The following MVB12B variants were observed in gnomAD, a reference collection of about 807,000 sequenced individuals.
MVB12B encodes ESCRT-I complex subunit MVB12B.
A neutral mutation model predicts 41.6 loss-of-function variants in MVB12B; 16 were observed. The observed-to-expected ratio is 0.38, with a 90% CI of 0.26 to 0.58. The LOEUF is 0.58. Among genes scored for constraint, MVB12B ranks in the 20% least tolerant of loss-of-function variants. The pLI, the probability that MVB12B is intolerant of heterozygous loss-of-function variation, is 0.62. For missense variants in MVB12B, 274 were observed against 380.2 expected (o/e 0.72, Z 2.32); for synonymous variants, 133 against 139.7 (o/e 0.95, Z 0.34).
chr9:126,340,317 G>A lies in MVB12B; in HGVS notation c.82-191G>A, dbSNP rs978110752. 1.9e-4 allele frequency among the ~76,000 whole-genome samples: 29 copies of A among 152,186 alleles called. No homozygotes were observed. The highest frequency in any genetic ancestry group is 6.5e-4 in the African/African-American group (27 of 41,456). On this transcript the variant is annotated intron_variant, in intron 1 of 9. Coordinates refer to ENST00000361171, the MANE Select transcript of MVB12B (RefSeq NM_033446.3). The surrounding 1 kb of genome is among the most constrained non-coding windows in gnomAD (Gnocchi z 4.0). ...AGTGTTCAAAGCTAACCTGAGAAGA[G>A]TGGGAAACAGAGGTGATTTGAATTC...
At chr9:126,341,838 C>G (rs1277679326) in intron 2 of MVB12B, among the ~76,000 whole-genome samples, 1 of 152,164 alleles carries the variant, frequency 6.6e-6, no homozygotes, top group East Asian at 1.9e-4. Context: ...CAGAATCACC[C>G]CCCATTGAGA....
At chr9:126,365,315 T>C (rs1588110127) in intron 2 of MVB12B, among the ~76,000 whole-genome samples, 1 of 132,124 alleles carries the variant, frequency 7.6e-6, no homozygotes, top group Admixed American at 8.2e-5. Context: ...TCTATCCACC[T>C]CGGCCTCCCA....
chr9:126,371,054 C>A (rs769819839), intron 2 of MVB12B, among the ~76,000 whole-genome samples: 15 of 152,198 alleles, frequency 9.9e-5, no homozygotes, highest in Non-Finnish European at 8.8e-5. Flanking sequence ...TCTGTAGTGA[C>A]GATCAGGTGT....
Position 126,468,970 on chromosome 9 carries a change from T to C in MVB12B, c.758-12399T>C, listed in dbSNP as rs529974447. ...TGAAAAAAAGTAAATTGCAAAACAGTTACTTATGCTGTGATGCTATTTTTA... is the reference window on the plus strand; with the variant it reads ...TGAAAAAAAGTAAATTGCAAAACAGCTACTTATGCTGTGATGCTATTTTTA... On this transcript the variant is annotated intron_variant, in intron 7 of 9. Coordinates refer to ENST00000361171, the MANE Select transcript of MVB12B (RefSeq NM_033446.3). This position sits in a 1 kb window ranked among gnomAD's most constrained non-coding sequence, Gnocchi z 4.3. Among the ~76,000 whole-genome samples the C allele has an allele frequency of 6.6e-6, 1 of 152,254 alleles. No individual in the cohort carries two copies. Among genetic ancestry groups the C allele is most frequent in the South Asian group, 2.1e-4 (1 of 4,824 alleles).
At chr9:126,493,719 T>C (rs1833779165) in intron 9 of MVB12B, among the ~76,000 whole-genome samples, 1 of 152,366 alleles carries the variant, frequency 6.6e-6, no homozygotes, top group Non-Finnish European at 1.5e-5. Context: ...AGGTCATTCC[T>C]AGGTGCTTTC....
At chr9:126,339,403 T>A (rs1829375136) in intron 1 of MVB12B, among the ~76,000 whole-genome samples, 1 of 152,196 alleles carries the variant, frequency 6.6e-6, no homozygotes. Context: ...GGAATTTGAC[T>A]TGCTCTTTTT....
At position 126,392,242 on chromosome 9, in the gene MVB12B, C is replaced by A; in HGVS notation, c.539+47C>A. 1 of 1,606,662 alleles carries A rather than the reference C, an allele frequency of 6.2e-7. No individual in the cohort carries two copies. On this transcript the variant is annotated intron_variant, in intron 5 of 9. Transcript: ENST00000361171. This position sits in a 1 kb window ranked among gnomAD's most constrained non-coding sequence, Gnocchi z 4.8. The stretch of plus-strand genomic sequence containing the variant: ...GTCAGCTGCTTCTCTTCCCTGAGAG[C>A]ACTCAGGCCACTCCAGGCAATGAGG...
chr9:126,455,476 G>A (rs1040150720), intron 7 of MVB12B, among the ~76,000 whole-genome samples: 1 of 151,458 alleles, frequency 6.6e-6, no homozygotes, highest in Non-Finnish European at 1.5e-5. Flanking sequence ...GTGAGCCACC[G>A]TGCCTGGCCC....
chr9:126,396,556 G>T, intron 6 of MVB12B: 1 of 985,458 alleles, frequency 1.0e-6, no homozygotes, highest in African/African-American at 1.7e-5. Context: ...GTCTTCCTGG[G>T]CCATCCACAA....
chr9:126,441,770 C>T (rs1427660445), intron 7 of MVB12B, among the ~76,000 whole-genome samples: 1 of 152,188 alleles, frequency 6.6e-6, no homozygotes, highest in Non-Finnish European at 1.5e-5. Flanking sequence ...TTAGTGATAA[C>T]ATTAATAGTG....
chr9:126,493,643 C>G (rs1339858390), intron 9 of MVB12B, among the ~76,000 whole-genome samples: 1 of 152,220 alleles, frequency 6.6e-6, no homozygotes, highest in Admixed American at 6.5e-5. Flanking sequence ...AATCTTAGAT[C>G]AAGCGTCTCT....
At chr9:126,479,490 G>T (rs1037796446) in intron 7 of MVB12B, among the ~76,000 whole-genome samples, 7 of 152,180 alleles carry the variant, frequency 4.6e-5, no homozygotes, top group Non-Finnish European at 5.9e-5. Flanking sequence ...TCACACACAG[G>T]TCTGCACGCG....
At chr9:126,371,147 C>G (rs939331127) in intron 2 of MVB12B, among the ~76,000 whole-genome samples, 1 of 152,160 alleles carries the variant, frequency 6.6e-6, no homozygotes, top group African/African-American at 2.4e-5. Flanking sequence ...TATCCTGTGG[C>G]TGAGAGGAGC....
At chr9:126,438,403 CA>C (rs58706231) in intron 7 of MVB12B, among the ~76,000 whole-genome samples, 41 of 144,732 alleles carry the variant, frequency 2.8e-4, no homozygotes, top group Non-Finnish European at 3.5e-4. Context: ...GTAAAGTATC[CA>C]AAAAAAAAAA....
At chr9:126,424,747 G>C (rs1408325020) in intron 7 of MVB12B, among the ~76,000 whole-genome samples, 1 of 152,236 alleles carries the variant, frequency 6.6e-6, no homozygotes, top group African/African-American at 2.4e-5. Flanking sequence ...GAAATCCTGA[G>C]ATGCCTGTGG....
At chr9:126,498,898 C>T (rs1262214320) in intron 9 of MVB12B, among the ~76,000 whole-genome samples, 3 of 152,176 alleles carry the variant, frequency 2.0e-5, no homozygotes, top group Non-Finnish European at 4.4e-5. Flanking sequence ...TGAGTGTTTT[C>T]AAAAAATGCT....
At chr9:126,412,065 GGGCAATGGTCA>G (rs1270181796) in intron 6 of MVB12B, among the ~76,000 whole-genome samples, 1 of 152,200 alleles carries the variant, frequency 6.6e-6, no homozygotes, top group African/African-American at 2.4e-5. Flanking sequence ...CAGCAAGTGT[GGGCAATGGTCA>G]GGGACCTCTT....
intron 4 of MVB12B, among the ~76,000 whole-genome samples, chr9:126,390,098 T>A (rs1205648776): frequency 6.6e-6 from 1 of 152,214 alleles, no homozygotes; most frequent in Non-Finnish European, 1.5e-5. Context: ...TTGAATGTGC[T>A]GTTGAATGTC....
intron 9 of MVB12B, among the ~76,000 whole-genome samples, chr9:126,491,710 A>G (rs1002513108): frequency 1.1e-4 from 16 of 152,334 alleles, no homozygotes; most frequent in Middle Eastern, 3.4e-3. Flanking sequence ...ACACAAAACT[A>G]TCACCCAAAT....
Sources: gnomAD v4.1 joint callset for allele counts (sites outside exome capture counted in the v4.1 genomes callset) on GRCh38, gnomAD v4.1.1 for gene constraint, Gnocchi (gnomAD v3.1) non-coding constraint, MANE v1.5 for transcripts, NCBI Gene and HGNC (gene_info 2026-07-23, HGNC 2026-07-21) for gene names.